SPATA31F1: variants seen among roughly 807,000 people sequenced by gnomAD.
The protein encoded by SPATA31F1 is SPATA31 subfamily F member 1, also known as protein SPATA31F1.
the SPATA31F1 span, chr9:34,726,963 T>C: frequency 6.5e-7 from 1 of 1,550,128 alleles, no homozygotes; most frequent in Non-Finnish European, 8.7e-7. Context: ...CGCCGCACAC[T>C]TCTCTCCAGA....
chr9:34,724,579 G>A, the SPATA31F1 span: 1 of 1,540,324 alleles, frequency 6.5e-7, no homozygotes, highest in Non-Finnish European at 8.8e-7. Flanking sequence ...GTTTGGTCAA[G>A]ATATGTGTCT....
the SPATA31F1 span, chr9:34,724,886 A>G: frequency 2.6e-6 from 4 of 1,549,618 alleles, no homozygotes; most frequent in Admixed American, 7.9e-5. Flanking sequence ...CAGCCCCGAC[A>G]GGAAGGCCAG....
the SPATA31F1 span, chr9:34,726,431 C>T: frequency 6.6e-5 from 103 of 1,550,904 alleles, no homozygotes; most frequent in Middle Eastern, 1.7e-4. Context: ...TGGATGCATC[C>T]GGTTCAGGGT....
the SPATA31F1 span, chr9:34,725,678 G>A: frequency 6.6e-7 from 1 of 1,518,394 alleles, no homozygotes; most frequent in East Asian, 2.5e-5. Flanking sequence ...CCACTCCAAG[G>A]CTTCATACTC....
At chr9:34,729,440 A>C in the SPATA31F1 span, 7 of 1,542,994 alleles carry the variant, frequency 4.5e-6, no homozygotes, top group Non-Finnish European at 6.1e-6. Context: ...TCTAAACTTC[A>C]TTAGCATGAG....
the SPATA31F1 span, chr9:34,728,683 A>G: frequency 6.5e-7 from 1 of 1,549,702 alleles, no homozygotes; most frequent in African/African-American, 1.4e-5. Flanking sequence ...TAGAATGTGA[A>G]GCTGGGACAC....
the SPATA31F1 span, chr9:34,727,016 C>T: frequency 1.4e-3 from 2,106 of 1,535,386 alleles, 27 homozygotes; most frequent in African/African-American, 0.025. Context: ...GCAAAATTAA[C>T]GATGGAGTGA....
chr9:34,723,287 C>T, the SPATA31F1 span: 2 of 1,551,726 alleles, frequency 1.3e-6, no homozygotes, highest in Non-Finnish European at 1.7e-6. Context: ...GTGACGAGGG[C>T]AGTGGCGGGG....
At chr9:34,725,719 A>T in the SPATA31F1 span, 1 of 1,546,258 alleles carries the variant, frequency 6.5e-7, no homozygotes. Context: ...CATTGATCTG[A>T]GCTCGTTGAT....
At chr9:34,725,724 G>C in the SPATA31F1 span, 34 of 1,547,060 alleles carry the variant, frequency 2.2e-5, no homozygotes, top group Non-Finnish European at 3.0e-5. Flanking sequence ...ATCTGAGCTC[G>C]TTGATGGTCA....
the SPATA31F1 span, chr9:34,724,129 G>A: frequency 1.9e-6 from 3 of 1,543,216 alleles, no homozygotes; most frequent in East Asian, 2.4e-5. Flanking sequence ...CATGGGCTGG[G>A]TCCTTGCTCT....
At chr9:34,728,563 A>G in the SPATA31F1 span, 1 of 1,537,664 alleles carries the variant, frequency 6.5e-7, no homozygotes. Context: ...GATTCATGGG[A>G]AACACCCACA....
chr9:34,725,716 C>T, the SPATA31F1 span: 5 of 1,545,542 alleles, frequency 3.2e-6, no homozygotes, highest in Admixed American at 2.0e-5. Context: ...GGACATTGAT[C>T]TGAGCTCGTT....
the SPATA31F1 span, chr9:34,728,106 A>T: frequency 1.3e-6 from 2 of 1,550,024 alleles, no homozygotes; most frequent in Non-Finnish European, 1.7e-6. Flanking sequence ...AGACAGTGTT[A>T]TATGGCATGG....
At chr9:34,727,996 A>C in the SPATA31F1 span, 4 of 1,549,156 alleles carry the variant, frequency 2.6e-6, no homozygotes, top group African/African-American at 5.5e-5. Context: ...CTGGTTGTTG[A>C]TAGAGTGCAA....
the SPATA31F1 span, chr9:34,723,207 TTCTA>T: frequency 6.5e-7 from 1 of 1,544,754 alleles, no homozygotes; most frequent in East Asian, 2.4e-5. Flanking sequence ...GGACCAATGT[TTCTA>T]TCTGAGGTGA....
At chr9:34,728,162 T>G in the SPATA31F1 span, 1 of 1,284,016 alleles carries the variant, frequency 7.8e-7, no homozygotes, top group Non-Finnish European at 1.1e-6. Context: ...GTAAGGCCTT[T>G]GACTCTCATC....
the SPATA31F1 span, chr9:34,726,793 TA>T: frequency 1.1e-4 from 164 of 1,551,614 alleles, 1 homozygote; most frequent in Non-Finnish European, 1.4e-4. Context: ...GACTCTGATC[TA>T]AAGACATACT....
chr9:34,729,030 G>A, the SPATA31F1 span, among the ~76,000 whole-genome samples: 2 of 152,208 alleles, frequency 1.3e-5, no homozygotes, highest in African/African-American at 4.8e-5. Flanking sequence ...GAGCTTCCGA[G>A]ATCCAGCAAG....
Sources: allele counts gnomAD v4.1 joint callset (sites outside exome capture counted in the v4.1 genomes callset), GRCh38; gene constraint gnomAD v4.1.1; transcripts MANE v1.5; gene names NCBI Gene and HGNC (gene_info 2026-07-23, HGNC 2026-07-21).